The following MGAT4C variants were observed in gnomAD, a reference collection of about 807,000 sequenced individuals.
MGAT4C encodes the protein alpha-1,3-mannosyl-glycoprotein 4-beta-N-acetylglucosaminyltransferase C.
A neutral mutation model predicts 40.1 loss-of-function variants in MGAT4C; 19 were observed. That is an observed-to-expected ratio of 0.47 (90% confidence interval 0.33 to 0.70). The LOEUF (loss-of-function observed/expected upper bound fraction) is 0.70, where lower values mean the gene tolerates loss of function less well. Among genes scored for constraint, MGAT4C ranks in the 30% least tolerant of loss-of-function variants. The probability of loss-of-function intolerance (pLI) is 0.02; values close to 1 mark genes in which losing one functional copy is unlikely to be tolerated. For synonymous variants in MGAT4C, 181 were observed against 187.1 expected (o/e 0.97, Z 0.27); for missense variants, 491 against 563.2 (o/e 0.87, Z 1.30).
At chr12:86,022,905 G>C (rs941764268) in intron 2 of MGAT4C, among the ~76,000 whole-genome samples, 1 of 152,116 alleles carries the variant, frequency 6.6e-6, no homozygotes, top group Admixed American at 6.6e-5. Flanking sequence ...ATATTACATA[G>C]AGGAGATGAA....
chr12:86,139,261 C>T (rs973599506), intron 1 of MGAT4C, among the ~76,000 whole-genome samples: 1 of 152,060 alleles, frequency 6.6e-6, no homozygotes, highest in Non-Finnish European at 1.5e-5. Flanking sequence ...GTTTAAGAAA[C>T]CCCCTGGGTG....
chr12:86,350,330 T>G (rs1955131660), intron 3 of MGAT4C, among the ~76,000 whole-genome samples: 1 of 152,196 alleles, frequency 6.6e-6, no homozygotes, highest in Admixed American at 6.6e-5. Context: ...AATGGGTTTC[T>G]TTTGCTATTA....
chr12:86,393,329 C>G (rs566730493), intron 3 of MGAT4C, among the ~76,000 whole-genome samples: 22 of 152,090 alleles, frequency 1.4e-4, no homozygotes, highest in African/African-American at 4.6e-4. Flanking sequence ...GTCTAATCCA[C>G]ATGATGTAAA....
At chr12:86,261,547 A>T (rs895196184) in intron 4 of MGAT4C, among the ~76,000 whole-genome samples, 1 of 152,100 alleles carries the variant, frequency 6.6e-6, no homozygotes, top group Non-Finnish European at 1.5e-5. Context: ...GAGAAAAGTA[A>T]CTTTTAAGAT....
At chr12:86,060,821 C>T (rs1434684424) in intron 1 of MGAT4C, among the ~76,000 whole-genome samples, 1 of 151,948 alleles carries the variant, frequency 6.6e-6, no homozygotes, top group African/African-American at 2.4e-5. Context: ...ATAAGAAAAC[C>T]CCGTGGTGGG....
chr12:86,689,739 G>C (rs1169773930), intron 2 of MGAT4C, among the ~76,000 whole-genome samples: 2 of 152,128 alleles, frequency 1.3e-5, no homozygotes, highest in Admixed American at 6.5e-5. Context: ...TCCTGTAGGA[G>C]GTGTCTGTCG....
intron 2 of MGAT4C, among the ~76,000 whole-genome samples, chr12:86,513,647 T>C (rs1447878866): frequency 6.6e-6 from 1 of 151,886 alleles, no homozygotes; most frequent in Admixed American, 6.6e-5. Context: ...GAACCTAGGG[T>C]GGTATCAATG....
intron 2 of MGAT4C, among the ~76,000 whole-genome samples, chr12:86,698,640 A>C (rs1428935845): frequency 6.6e-6 from 1 of 152,062 alleles, no homozygotes; most frequent in Non-Finnish European, 1.5e-5. Context: ...AATTGCTGGA[A>C]TATGAAACTC....
rs984061771 is a variant in MGAT4C, at chr12:86,720,330, A to G, written c.-229+6879T>C. ...TATAATCTAGCCTCAAAGTTATGCAATATCAATTATTCTTCAATGTATTTA... is the reference window on the plus strand; with the variant it reads ...TATAATCTAGCCTCAAAGTTATGCAGTATCAATTATTCTTCAATGTATTTA... On this transcript the variant is annotated intron_variant, in intron 2 of 7. Transcript: ENST00000548651. Among the ~76,000 whole-genome samples, 13 of 152,244 alleles carry G rather than the reference A, an allele frequency of 8.5e-5. No individual in the cohort carries two copies. The East Asian group carries it at 2.1e-3, about 25-fold the overall frequency.
At chr12:86,442,003 C>T (rs2136279078) in intron 2 of MGAT4C, among the ~76,000 whole-genome samples, 1 of 152,266 alleles carries the variant, frequency 6.6e-6, no homozygotes, top group African/African-American at 2.4e-5. Flanking sequence ...TCTCCAGCAC[C>T]TGTTGTTTCC....
intron 1 of MGAT4C, among the ~76,000 whole-genome samples, chr12:86,100,950 A>G (rs1232477477): frequency 4.0e-5 from 6 of 151,718 alleles, no homozygotes; most frequent in Non-Finnish European, 7.4e-5. Context: ...CATCAAATCT[A>G]AACTACTGCA....
At position 86,493,124 on chromosome 12, in the gene MGAT4C, G is replaced by A. The variant is rs368528006; in HGVS notation, c.-228-57859C>T. Among the ~76,000 whole-genome samples the A allele has an allele frequency of 9.9e-4, 149 of 150,690 alleles. 5 individuals are homozygous for A. The East Asian group carries it at 0.024, about 24-fold the overall frequency. ...ACCATCTCACACAAGTTAGAATGGCGATCATTAAAAAGTCAGGAAACAACA... is the reference window on the plus strand; with the variant it reads ...ACCATCTCACACAAGTTAGAATGGCAATCATTAAAAAGTCAGGAAACAACA... On this transcript the variant is annotated intron_variant, in intron 2 of 7. Transcript: ENST00000548651.
chr12:86,011,761 G>A (rs1339221311), intron 2 of MGAT4C: 1 of 837,216 alleles, frequency 1.2e-6, no homozygotes, highest in East Asian at 1.2e-4. Flanking sequence ...TGATTACTAG[G>A]AATAAACACT....
At chr12:86,662,116 A>C (rs1392162667) in intron 2 of MGAT4C, among the ~76,000 whole-genome samples, 1 of 152,134 alleles carries the variant, frequency 6.6e-6, no homozygotes, top group Non-Finnish European at 1.5e-5. Context: ...GAAGACATGA[A>C]GACCCCTACT....
intron 3 of MGAT4C, among the ~76,000 whole-genome samples, chr12:86,425,808 C>T (rs950590911): frequency 1.3e-5 from 2 of 151,974 alleles, no homozygotes; most frequent in African/African-American, 4.8e-5. Context: ...TGGGTATTTC[C>T]AAGATGAATG....
intron 1 of MGAT4C, among the ~76,000 whole-genome samples, chr12:86,245,691 A>G (rs1951996350): frequency 6.6e-6 from 1 of 152,116 alleles, no homozygotes; most frequent in South Asian, 2.1e-4. Flanking sequence ...TCCTCCTTCC[A>G]TGTTAGCTCC....
At chr12:86,029,964 A>AT (rs1435001601) in intron 2 of MGAT4C, among the ~76,000 whole-genome samples, 2 of 151,876 alleles carry the variant, frequency 1.3e-5, no homozygotes, top group Non-Finnish European at 2.9e-5. Flanking sequence ...AACAAGTAGC[A>AT]ATTGACTTAG....
intron 1 of MGAT4C, among the ~76,000 whole-genome samples, chr12:86,807,633 A>G (rs1226469651): frequency 3.3e-5 from 5 of 152,124 alleles, no homozygotes; most frequent in Non-Finnish European, 7.4e-5. Context: ...TCCTTTGCAT[A>G]TATAACCACT....
At chr12:86,518,355 T>G (rs936027552) in intron 2 of MGAT4C, among the ~76,000 whole-genome samples, 3 of 152,136 alleles carry the variant, frequency 2.0e-5, no homozygotes, top group Non-Finnish European at 4.4e-5. Context: ...AAGTAAATAA[T>G]AAGACAAAGT....
Sources: gnomAD v4.1 joint callset for allele counts (sites outside exome capture counted in the v4.1 genomes callset) on GRCh38, gnomAD v4.1.1 for gene constraint, MANE v1.5 for transcripts, NCBI Gene and HGNC (gene_info 2026-07-23, HGNC 2026-07-21) for gene names.